ZNF385D: variants seen among roughly 807,000 people sequenced by gnomAD.
ZNF385D encodes zinc finger protein 659.
Under a neutral mutation model 35.8 loss-of-function variants are expected in ZNF385D, and 15 were observed. The ratio of observed to expected loss-of-function variants is 0.42; its 90% CI spans 0.28 to 0.64. The LOEUF (loss-of-function observed/expected upper bound fraction) is 0.64. ZNF385D is among the 30% of genes least tolerant of loss of function. The pLI is 0.23. For missense variants in ZNF385D, 474 were observed against 494.6 expected, an observed-to-expected ratio of 0.96 and a Z score of 0.39; for synonymous variants, 212 against 186.8, an observed-to-expected ratio of 1.13 and a Z score of -1.10.
intron 2 of ZNF385D, among the ~76,000 whole-genome samples, chr3:22,354,035 C>T (rs1696037388): frequency 6.6e-6 from 1 of 151,828 alleles, no homozygotes; most frequent in Non-Finnish European, 1.5e-5. Flanking sequence ...GCATTATCTT[C>T]TTTTTTTTGG....
At chr3:22,057,794 T>G (rs1440052154) in intron 3 of ZNF385D, among the ~76,000 whole-genome samples, 2 of 152,082 alleles carry the variant, frequency 1.3e-5, no homozygotes, top group Non-Finnish European at 2.9e-5. Flanking sequence ...GATTACAGGC[T>G]TGAGCCACTG....
chr3:22,199,048 T>C (rs1420939109), intron 2 of ZNF385D, among the ~76,000 whole-genome samples: 1 of 152,126 alleles, frequency 6.6e-6, no homozygotes, highest in African/African-American at 2.4e-5. Context: ...TGCTTATTGA[T>C]TGGTCTCGTA....
chr3:21,651,981 G>A (rs1385630189), intron 2 of ZNF385D, among the ~76,000 whole-genome samples: 1 of 152,140 alleles, frequency 6.6e-6, no homozygotes, highest in African/African-American at 2.4e-5. Context: ...TCTGAAACTT[G>A]ATGCCAGTTA....
At chr3:22,200,876 C>T (rs944107146) in intron 2 of ZNF385D, among the ~76,000 whole-genome samples, 7 of 152,156 alleles carry the variant, frequency 4.6e-5, no homozygotes, top group Non-Finnish European at 1.0e-4. Flanking sequence ...CCACCTGGCT[C>T]ACCAGCGGTC....
intron 3 of ZNF385D, among the ~76,000 whole-genome samples, chr3:21,938,627 G>A (rs545191050): frequency 7.2e-5 from 11 of 152,174 alleles, no homozygotes; most frequent in South Asian, 2.1e-4. Context: ...CTCCAACTGC[G>A]TCAGACACCT....
chr3:22,031,753 T>G (rs1381024408), intron 3 of ZNF385D, among the ~76,000 whole-genome samples: 1 of 152,218 alleles, frequency 6.6e-6, no homozygotes, highest in Non-Finnish European at 1.5e-5. Context: ...AGGCTTCAAT[T>G]TCAACCCAGA....
intron 2 of ZNF385D, among the ~76,000 whole-genome samples, chr3:22,299,586 C>T (rs568068869): frequency 1.3e-5 from 2 of 151,916 alleles, no homozygotes; most frequent in Admixed American, 6.6e-5. Flanking sequence ...GAAGACTTCA[C>T]TAGAAAACTG....
intron 2 of ZNF385D, among the ~76,000 whole-genome samples, chr3:21,565,667 TGCTG>T (rs1175897566): frequency 6.6e-6 from 1 of 152,252 alleles, no homozygotes; most frequent in Non-Finnish European, 1.5e-5. Flanking sequence ...ATTAAATAGA[TGCTG>T]GCTATTTATT....
chr3:22,164,758 T>C (rs1280722367), intron 3 of ZNF385D, among the ~76,000 whole-genome samples: 5 of 152,046 alleles, frequency 3.3e-5, no homozygotes, highest in Non-Finnish European at 5.9e-5. Context: ...GATATAGCCA[T>C]AGGACCTCAT....
intron 2 of ZNF385D, among the ~76,000 whole-genome samples, chr3:21,602,581 G>T (rs892343149): frequency 7.8e-6 from 1 of 128,466 alleles, no homozygotes; most frequent in African/African-American, 3.1e-5. Context: ...GCCGGACTGC[G>T]GACTGCAGTG....
intron 3 of ZNF385D, among the ~76,000 whole-genome samples, chr3:21,542,048 A>C (rs1234592408): frequency 1.3e-5 from 2 of 152,180 alleles, no homozygotes; most frequent in Non-Finnish European, 2.9e-5. Context: ...GATGTTTGAC[A>C]ATAGTAATTT....
intron 3 of ZNF385D, among the ~76,000 whole-genome samples, chr3:21,528,558 G>T (rs1416703067): frequency 6.6e-6 from 1 of 152,172 alleles, no homozygotes; most frequent in African/African-American, 2.4e-5. Flanking sequence ...AAAACAATAT[G>T]ATGGAAGGTA....
intron 2 of ZNF385D, among the ~76,000 whole-genome samples, chr3:21,572,220 C>T (rs1372745706): frequency 2.0e-5 from 3 of 152,170 alleles, no homozygotes; most frequent in Non-Finnish European, 4.4e-5. Flanking sequence ...GGTTACCTAG[C>T]TGGAACTGAG....
At chr3:21,755,145 T>G (rs564148054), upstream of ZNF385D, among the ~76,000 whole-genome samples, 1 of 152,350 alleles carries the variant, frequency 6.6e-6, no homozygotes, top group South Asian at 2.1e-4. Flanking sequence ...CATAGCTCAG[T>G]TGTGTCTTCC....
chr3:21,774,074 G>A (rs993767193), intron 3 of ZNF385D, among the ~76,000 whole-genome samples: 4 of 151,962 alleles, frequency 2.6e-5, no homozygotes, highest in Non-Finnish European at 5.9e-5. Flanking sequence ...ATACACCATG[G>A]AATACTATAC....
chr3:21,754,047 C>G (rs181209860), upstream of ZNF385D, among the ~76,000 whole-genome samples: 3 of 152,272 alleles, frequency 2.0e-5, no homozygotes, highest in East Asian at 5.8e-4. Context: ...GAATAGTATT[C>G]CATTATGTAT....
chr3:21,536,371 AT>A (rs1235054421), intron 3 of ZNF385D, among the ~76,000 whole-genome samples: 1 of 152,114 alleles, frequency 6.6e-6, no homozygotes, highest in African/African-American at 2.4e-5. Flanking sequence ...CCAAGAATGA[AT>A]TGGGGCAAAG....
chr3:21,879,094 A>G (rs963572122), intron 3 of ZNF385D, among the ~76,000 whole-genome samples: 1 of 152,028 alleles, frequency 6.6e-6, no homozygotes, highest in African/African-American at 2.4e-5. Flanking sequence ...AAAACACATC[A>G]AGATAGAAAC....
intron 3 of ZNF385D, among the ~76,000 whole-genome samples, chr3:21,881,706 C>CT (rs1234510163): frequency 6.6e-6 from 1 of 151,986 alleles, no homozygotes; most frequent in Non-Finnish European, 1.5e-5. Context: ...AGTGACTCCT[C>CT]TGATGGATCT....
Sources: gnomAD v4.1 joint callset for allele counts (sites outside exome capture counted in the v4.1 genomes callset) on GRCh38, gnomAD v4.1.1 for gene constraint, MANE v1.5 for transcripts, NCBI Gene and HGNC (gene_info 2026-07-23, HGNC 2026-07-21) for gene names.